RORA: variants seen among roughly 807,000 people sequenced by gnomAD.
RORA encodes nuclear receptor ROR-alpha.
In RORA, 7 loss-of-function variants were observed where a neutral mutation model predicts 69.5. That is an observed-to-expected ratio of 0.10 (90% confidence interval 0.06 to 0.19). The LOEUF is 0.19. Ranked by LOEUF, RORA falls within the 10% of genes least tolerant of loss-of-function variation. The pLI is 1.00. For missense variants in RORA, 457 were observed against 663.0 expected, an observed-to-expected ratio of 0.69 and a Z score of 3.41; for synonymous variants, 261 against 240.8, an observed-to-expected ratio of 1.08 and a Z score of -0.78.
intron 1 of RORA, among the ~76,000 whole-genome samples, chr15:61,101,925 G>T (rs1014091710): frequency 6.6e-6 from 1 of 152,110 alleles, no homozygotes; most frequent in Non-Finnish European, 1.5e-5. Context: ...GAGGTGCAAT[G>T]TGTGCCTGGG....
chr15:60,998,183 A>C (rs1894622266), intron 1 of RORA, among the ~76,000 whole-genome samples: 1 of 151,982 alleles, frequency 6.6e-6, no homozygotes, highest in Admixed American at 6.6e-5. Context: ...TTTTTTTCTG[A>C]GACAGGTTCT....
intron 8 of RORA, among the ~76,000 whole-genome samples, chr15:60,502,088 C>A (rs777555448): frequency 2.6e-4 from 40 of 152,170 alleles, no homozygotes; most frequent in Non-Finnish European, 4.7e-4. Flanking sequence ...TCAAGTGATT[C>A]TCCTGCCTCA....
In RORA at chr15:60,556,861, T is replaced by C. The variant is rs771869038; in HGVS notation, c.197-25010A>G. On this transcript the variant is annotated intron_variant, in intron 2 of 10. Coordinates refer to ENST00000335670, the MANE Select transcript of RORA (RefSeq NM_134261.3). ...TGGATGTTTCCCCTCACCATTCATG[T>C]ATCCAGTTTGTACTTCCTTATCTTC... 3 of 1,610,958 alleles carry C rather than the reference T, an allele frequency of 1.9e-6. No individual in the cohort carries two copies. In the South Asian group the frequency reaches 3.3e-5, roughly 18 times the overall value.
intron 5 of RORA, 60 bp from the exon 6 acceptor site, chr15:60,505,689 T>C (rs999661592): frequency 9.5e-6 from 15 of 1,583,672 alleles, no homozygotes; most frequent in Non-Finnish European, 1.1e-5. Context: ...TAATTGGTGA[T>C]TTAATATTTG....
chr15:60,756,110 A>T (rs370919380), intron 1 of RORA, among the ~76,000 whole-genome samples: 43 of 152,340 alleles, frequency 2.8e-4, no homozygotes, highest in African/African-American at 1.0e-3. Flanking sequence ...AAGTTTCTGC[A>T]ATGTTCATAT....
At chr15:60,675,124 G>A (rs2070533996) in intron 2 of RORA, among the ~76,000 whole-genome samples, 1 of 152,192 alleles carries the variant, frequency 6.6e-6, no homozygotes, top group Non-Finnish European at 1.5e-5. Context: ...CTCTTGTAAC[G>A]TTGTAGCAAA....
chr15:60,958,466 T>A (rs1307579770), intron 1 of RORA, among the ~76,000 whole-genome samples: 3 of 152,108 alleles, frequency 2.0e-5, no homozygotes. Context: ...ATAATATAAA[T>A]TTTGCCCCTG....
chr15:60,959,562 A>G (rs1893358674), intron 1 of RORA, among the ~76,000 whole-genome samples: 1 of 152,234 alleles, frequency 6.6e-6, no homozygotes, highest in African/African-American at 2.4e-5. Flanking sequence ...AACAAATCCT[A>G]TAGATATGGC....
intron 1 of RORA, among the ~76,000 whole-genome samples, chr15:60,989,471 A>G (rs1223816893): frequency 1.3e-5 from 2 of 152,194 alleles, no homozygotes; most frequent in Non-Finnish European, 2.9e-5. Flanking sequence ...TAATCAGTTG[A>G]TGGATATTTG....
intron 1 of RORA, among the ~76,000 whole-genome samples, chr15:60,789,115 G>C (rs867249196): frequency 9.2e-5 from 14 of 152,200 alleles, no homozygotes; most frequent in South Asian, 2.1e-4. Context: ...GCAAGGAATA[G>C]AAGAGTGATT....
intron 1 of RORA, among the ~76,000 whole-genome samples, chr15:60,900,675 C>A (rs781716490): frequency 6.6e-6 from 1 of 151,994 alleles, no homozygotes; most frequent in Non-Finnish European, 1.5e-5. Flanking sequence ...AAATCGAGAC[C>A]ATCCTGGCCA....
intron 1 of RORA, among the ~76,000 whole-genome samples, chr15:61,227,985 C>A (rs954188999): frequency 6.6e-6 from 1 of 152,102 alleles, no homozygotes; most frequent in Non-Finnish European, 1.5e-5. Flanking sequence ...TCCTCAACAG[C>A]TCACTTTAGG....
At chr15:60,883,746 T>C (rs1045382787) in intron 1 of RORA, among the ~76,000 whole-genome samples, 8 of 152,196 alleles carry the variant, frequency 5.3e-5, no homozygotes, top group African/African-American at 1.4e-4. Context: ...GATTGTGTTG[T>C]TTGTGCAAAA....
intron 1 of RORA, among the ~76,000 whole-genome samples, chr15:60,956,823 A>G (rs1893279424): frequency 6.6e-6 from 1 of 152,172 alleles, no homozygotes; most frequent in African/African-American, 2.4e-5. Flanking sequence ...ATACCAGTCT[A>G]TTATAAATTG....
intron 1 of RORA, among the ~76,000 whole-genome samples, chr15:61,095,758 G>T (rs1366172964): frequency 6.6e-6 from 1 of 152,176 alleles, no homozygotes; most frequent in Non-Finnish European, 1.5e-5. Flanking sequence ...GGGACTGGAG[G>T]ACCCCAAGGT....
At chr15:60,688,321 T>C (rs1017057773) in intron 1 of RORA, among the ~76,000 whole-genome samples, 10 of 152,114 alleles carry the variant, frequency 6.6e-5, no homozygotes, top group South Asian at 2.1e-4. Flanking sequence ...AGAGTGATTA[T>C]GTTTGGGTGG....
intron 1 of RORA, among the ~76,000 whole-genome samples, chr15:60,805,661 T>C (rs980607779): frequency 6.6e-6 from 1 of 152,206 alleles, no homozygotes; most frequent in Non-Finnish European, 1.5e-5. Flanking sequence ...ATCATTGATA[T>C]AGGATTACAT....
rs757729652 is a variant in RORA, at chr15:61,023,923, CA to C, written c.166+205129del. 9.9e-5 allele frequency among the ~76,000 whole-genome samples: 15 copies of C among 152,110 alleles called. No homozygotes were observed. The Middle Eastern group carries it at 0.01, about 103-fold the overall frequency. On this transcript the variant is annotated intron_variant, in intron 1 of 10. Transcript: ENST00000335670. ...ATTTGTATACACTGATATATAAAAC[CA>C]TGGTATTCTCCTACTTACTTTGATC...
At chr15:60,777,557 C>T (rs2072188013) in intron 1 of RORA, among the ~76,000 whole-genome samples, 1 of 152,178 alleles carries the variant, frequency 6.6e-6, no homozygotes, top group Non-Finnish European at 1.5e-5. Flanking sequence ...AGCCTACTAC[C>T]TAAATGTGAT....
Sources: gnomAD v4.1 joint callset for allele counts (sites outside exome capture counted in the v4.1 genomes callset) on GRCh38, gnomAD v4.1.1 for gene constraint, MANE v1.5 for transcripts, NCBI Gene and HGNC (gene_info 2026-07-23, HGNC 2026-07-21) for gene names.